INSYN2A: variants seen among roughly 807,000 people sequenced by gnomAD.
INSYN2A encodes family with sequence similarity 196 member A.
INSYN2A carries 17 observed loss-of-function variants against 39.4 expected under a neutral mutation model. That is an observed-to-expected ratio of 0.43 (90% CI 0.30 to 0.65). The LOEUF is 0.65. Ranked by LOEUF, INSYN2A falls within the 30% of genes least tolerant of loss-of-function variation. INSYN2A has a pLI of 0.14. For synonymous variants in INSYN2A, 255 were observed against 265.7 expected (o/e 0.96, Z 0.39); for missense variants, 595 against 631.2 (o/e 0.94, Z 0.61).
chr10:127,136,656 A>G lies in INSYN2A; in HGVS notation c.*1181T>C, dbSNP rs895226915. On this transcript the variant is annotated 3_prime_UTR_variant, in exon 6 of 6. Transcript: ENST00000522781. ...AAGATTTACATTGCAATGTGTAATCAAGAGAGAACTCTAAGTGTTACTGTT... is the reference window on the plus strand; with the variant it reads ...AAGATTTACATTGCAATGTGTAATCGAGAGAGAACTCTAAGTGTTACTGTT... 2 of 152,612 alleles carry G rather than the reference A, an allele frequency of 1.3e-5. No homozygotes were observed. The highest frequency in any genetic ancestry group is 4.8e-5 in the African/African-American group (2 of 41,382). The allele number at this position is 152,612 out of a possible 1,614,324, so 9.5% of individuals were successfully genotyped here. A position where few individuals can be genotyped will look rare whatever the true frequency, so the allele number is the denominator to read the frequency against.
chr10:127,172,904 G>A (rs1236081344), intron 4 of INSYN2A, among the ~76,000 whole-genome samples: 1 of 152,196 alleles, frequency 6.6e-6, no homozygotes, highest in East Asian at 1.9e-4. Flanking sequence ...TATGTATGTG[G>A]CTATCGAGCA....
intron 2 of INSYN2A, among the ~76,000 whole-genome samples, chr10:127,179,243 C>T (rs963194631): frequency 6.6e-6 from 1 of 152,126 alleles, no homozygotes; most frequent in Admixed American, 6.5e-5. Flanking sequence ...AGGTCTTGGA[C>T]GCAACCATCA....
chr10:127,184,591 G>A (rs1169153311), intron 2 of INSYN2A, among the ~76,000 whole-genome samples: 2 of 150,910 alleles, frequency 1.3e-5, no homozygotes, highest in East Asian at 4.0e-4. Context: ...CTTCCAAAGA[G>A]TCTCTTATTA....
Position 127,138,027 on chromosome 10 carries a change from AAG to A in INSYN2A, c.1257-9_1257-8del. The A allele has an allele frequency of 3.1e-6, 5 of 1,601,062 alleles. No individual in the cohort carries two copies. The highest frequency in any genetic ancestry group is 1.1e-5 in the South Asian group (1 of 88,300). On this transcript the variant is annotated splice_polypyrimidine_tract_variant and splice_region_variant and intron_variant, in intron 5 of 5. Transcript: ENST00000522781. ...CTTAAAATCCAGCTCCACACTAGAAAAGAGAGAGAGTGAAGACTTTAGCATTT... is the reference window on the plus strand; with the variant it reads ...CTTAAAATCCAGCTCCACACTAGAAAAGAGAGAGTGAAGACTTTAGCATTT...
At chr10:127,143,962 C>T (rs1442785184) in intron 5 of INSYN2A, among the ~76,000 whole-genome samples, 1 of 152,176 alleles carries the variant, frequency 6.6e-6, no homozygotes, top group African/African-American at 2.4e-5. Flanking sequence ...GCCTGCAGCC[C>T]CCATTCATCT....
intron 5 of INSYN2A, among the ~76,000 whole-genome samples, chr10:127,145,107 C>T (rs2051675003): frequency 6.6e-6 from 1 of 152,102 alleles, no homozygotes; most frequent in African/African-American, 2.4e-5. Context: ...ATCCTAGGTG[C>T]CCATCTTACC....
Position 127,163,728 on chromosome 10 carries a change from C to A in INSYN2A, c.1185-9805G>T, listed in dbSNP as rs180831730. The stretch of plus-strand genomic sequence containing the variant: ...ATCAGTCGTCTTCTGCTTCCGACAC[C>A]CAGTTTTGAAAATAAATAGCTTAGT... On this transcript the variant is annotated intron_variant, in intron 4 of 5. Coordinates refer to ENST00000522781, the MANE Select transcript of INSYN2A (RefSeq NM_001039762.3). 1.3e-3 allele frequency among the ~76,000 whole-genome samples: 203 copies of A among 151,968 alleles called. 1 individual carries two copies. Among genetic ancestry groups the A allele is most frequent in the African/African-American group, 4.8e-3 (199 of 41,438 alleles).
intron 5 of INSYN2A, among the ~76,000 whole-genome samples, chr10:127,144,980 A>C (rs1282839491): frequency 1.3e-5 from 2 of 152,182 alleles, no homozygotes; most frequent in Admixed American, 6.5e-5. Context: ...CAGATATCCT[A>C]GCTGTATATT....
chr10:127,138,574 C>T (rs891140015), intron 5 of INSYN2A, among the ~76,000 whole-genome samples: 6 of 152,108 alleles, frequency 3.9e-5, no homozygotes, highest in African/African-American at 7.2e-5. Context: ...GCCATAGTGC[C>T]CAACGCTGGG....
chr10:127,169,412 C>T (rs932095205), intron 4 of INSYN2A, among the ~76,000 whole-genome samples: 1 of 152,178 alleles, frequency 6.6e-6, no homozygotes, highest in Non-Finnish European at 1.5e-5. Context: ...AATGATAGGC[C>T]GGTGTGCTTG....
chr10:127,178,692 C>T (rs771200806), intron 2 of INSYN2A, among the ~76,000 whole-genome samples: 2 of 152,108 alleles, frequency 1.3e-5, no homozygotes, highest in Non-Finnish European at 2.9e-5. Context: ...CAATTTGAAA[C>T]TTGAAAAACT....
chr10:127,144,925 A>G (rs1234027619), intron 5 of INSYN2A, among the ~76,000 whole-genome samples: 2 of 152,232 alleles, frequency 1.3e-5, no homozygotes, highest in South Asian at 2.1e-4. Flanking sequence ...CTGGTATACT[A>G]TGAACAAGAA....
intron 4 of INSYN2A, among the ~76,000 whole-genome samples, chr10:127,155,948 G>A (rs1245884667): frequency 6.6e-6 from 1 of 152,170 alleles, no homozygotes; most frequent in Admixed American, 6.5e-5. Context: ...CTATTGTGTT[G>A]TGCTAGTGGG....
At chr10:127,138,621 G>C (rs531986420) in intron 5 of INSYN2A, among the ~76,000 whole-genome samples, 2 of 152,236 alleles carry the variant, frequency 1.3e-5, no homozygotes, top group African/African-American at 4.8e-5. Context: ...ACCATTGAAC[G>C]GTACTCCGCC....
In INSYN2A at chr10:127,176,043, A is replaced by C. The variant is rs2133901919; in HGVS notation, c.353T>G (p.Phe118Cys). 6.2e-7 allele frequency: 1 copy of C among 1,613,954 alleles called. No individual in the cohort carries two copies. Among genetic ancestry groups the C allele is most frequent in the Non-Finnish European group, 8.5e-7 (1 of 1,179,998 alleles). ...GTTCCCCTTTTTGCGGTCCAGAGGG[A>C]ACGTCTGGTAACACTTCTTAAGGTC... ...SPDLKKCYQT[F>C]PLDRKKGNLK... The change falls in exon 4 of 6, where the codon TTC becomes TGC. Residue 118 changes from phenylalanine (F) to cysteine (C), a missense_variant. Transcript: ENST00000522781. This position sits in a 1 kb window ranked among gnomAD's most constrained non-coding sequence, Gnocchi z 4.4.
chr10:127,189,029 C>T (rs1026365249), intron 2 of INSYN2A, among the ~76,000 whole-genome samples: 3 of 152,122 alleles, frequency 2.0e-5, no homozygotes, highest in South Asian at 2.1e-4. Context: ...TCCTAGGAAG[C>T]GCTCAGTACA....
intron 5 of INSYN2A, among the ~76,000 whole-genome samples, chr10:127,149,965 A>G (rs1440442641): frequency 1.3e-5 from 2 of 152,112 alleles, no homozygotes; most frequent in Non-Finnish European, 2.9e-5. Context: ...GACAGCAAGG[A>G]CTGTAACCTG....
intron 2 of INSYN2A, among the ~76,000 whole-genome samples, chr10:127,182,336 C>T (rs2055816968): frequency 6.6e-6 from 1 of 152,124 alleles, no homozygotes. Context: ...GTTGCTTTAG[C>T]CACATAATGT....
intron 4 of INSYN2A, among the ~76,000 whole-genome samples, chr10:127,172,549 A>G (rs914961051): frequency 6.6e-6 from 1 of 152,036 alleles, no homozygotes; most frequent in Admixed American, 6.5e-5. Flanking sequence ...CAGCCAAATT[A>G]ATGACCCTGG....
Sources: gnomAD v4.1 joint callset for allele counts (sites outside exome capture counted in the v4.1 genomes callset) on GRCh38, gnomAD v4.1.1 for gene constraint, Gnocchi (gnomAD v3.1) non-coding constraint, MANE v1.5 for transcripts, NCBI Gene and HGNC (gene_info 2026-07-23, HGNC 2026-07-21) for gene names.